TIMD4: variants seen among roughly 807,000 people sequenced by gnomAD.
The protein encoded by TIMD4 is T cell immunoglobulin and mucin domain containing 4.
Under a neutral mutation model 41.2 loss-of-function variants are expected in TIMD4, and 31 were observed. The ratio of observed to expected loss-of-function variants is 0.75; its 90% CI spans 0.57 to 1.01. The LOEUF (loss-of-function observed/expected upper bound fraction) is 1.01. Ranked by LOEUF, TIMD4 falls within the 50% of genes least tolerant of loss-of-function variation. The pLI, the probability that TIMD4 is intolerant of heterozygous loss-of-function variation, is 0.00. For synonymous variants in TIMD4, 204 were observed against 177.1 expected, an observed-to-expected ratio of 1.15 and a Z score of -1.21; for missense variants, 479 against 472.5, an observed-to-expected ratio of 1.01 and a Z score of -0.13.
At chr5:156,958,798 A>G (rs897702150) in intron 1 of TIMD4, among the ~76,000 whole-genome samples, 1 of 152,196 alleles carries the variant, frequency 6.6e-6, no homozygotes, top group African/African-American at 2.4e-5. Flanking sequence ...GACAATGTAT[A>G]TATGGGGAAT....
chr5:156,931,096 G>C (rs1445270479), intron 5 of TIMD4, among the ~76,000 whole-genome samples: 1 of 152,194 alleles, frequency 6.6e-6, no homozygotes, highest in East Asian at 1.9e-4. Flanking sequence ...AAGATGCTAT[G>C]CTGCTGACTT....
intron 6 of TIMD4, 113 bp from the exon 7 acceptor site, chr5:156,922,329 A>C: frequency 2.3e-6 from 2 of 883,968 alleles, no homozygotes; most frequent in Non-Finnish European, 3.6e-6. Flanking sequence ...ACTACATTTC[A>C]CCACCTTTTG....
intron 2 of TIMD4, among the ~76,000 whole-genome samples, chr5:156,952,182 C>T (rs544113188): frequency 6.6e-6 from 1 of 151,538 alleles, no homozygotes; most frequent in Admixed American, 6.6e-5. Context: ...CCTAGCTACT[C>T]AGGAGGCTGA....
At chr5:156,934,321 T>TG (rs1759500413) in intron 5 of TIMD4, among the ~76,000 whole-genome samples, 1 of 152,240 alleles carries the variant, frequency 6.6e-6, no homozygotes, top group Non-Finnish European at 1.5e-5. Flanking sequence ...CAGGGCTCAC[T>TG]GCAGCCTCAA....
intron 1 of TIMD4, among the ~76,000 whole-genome samples, chr5:156,962,056 G>C (rs923397566): frequency 1.3e-5 from 2 of 152,002 alleles, no homozygotes; most frequent in Non-Finnish European, 2.9e-5. Context: ...TAGAATGATA[G>C]TCACTGGAGT....
intron 1 of TIMD4, among the ~76,000 whole-genome samples, chr5:156,961,808 C>CAAAAA (rs71578911): frequency 0.01 from 292 of 27,932 alleles, 30 homozygotes; most frequent in Non-Finnish European, 0.014. Context: ...GACTCCGTCT[C>CAAAAA]AAAAAAAAAA....
At chr5:156,948,980 C>T (rs1202850370) in intron 4 of TIMD4, among the ~76,000 whole-genome samples, 3 of 152,196 alleles carry the variant, frequency 2.0e-5, no homozygotes, top group African/African-American at 7.2e-5. Context: ...CTTCTAAGTC[C>T]TCACATGCAT....
intron 5 of TIMD4, among the ~76,000 whole-genome samples, chr5:156,935,842 TCAGTAAAGCA>T (rs755159332): frequency 1.8e-4 from 27 of 152,300 alleles, no homozygotes; most frequent in Middle Eastern, 3.4e-3. Context: ...GCTGAGGGTC[TCAGTAAAGCA>T]CAGATAAGAC....
At chr5:156,960,926 A>G (rs918141449) in intron 1 of TIMD4, among the ~76,000 whole-genome samples, 1 of 152,258 alleles carries the variant, frequency 6.6e-6, no homozygotes, top group African/African-American at 2.4e-5. Flanking sequence ...ACTATTCCAG[A>G]GGCTACAAGG....
chr5:156,939,418 C>A (rs1293516348), intron 5 of TIMD4, among the ~76,000 whole-genome samples: 1 of 152,120 alleles, frequency 6.6e-6, no homozygotes, highest in Non-Finnish European at 1.5e-5. Flanking sequence ...CTTGCACTAC[C>A]CCTTTTGAGA....
chr5:156,922,899 CAA>C (rs1236543276), intron 6 of TIMD4, among the ~76,000 whole-genome samples: 1 of 152,052 alleles, frequency 6.6e-6, no homozygotes. Flanking sequence ...AATATTTTTT[CAA>C]AATAGAGTTA....
intron 5 of TIMD4, among the ~76,000 whole-genome samples, chr5:156,932,100 T>C (rs951558946): frequency 6.6e-6 from 1 of 152,228 alleles, no homozygotes; most frequent in African/African-American, 2.4e-5. Flanking sequence ...TGCATACTTA[T>C]TCCCCAAAGA....
intron 5 of TIMD4, among the ~76,000 whole-genome samples, chr5:156,942,076 ATGT>A (rs576912792): frequency 2.0e-5 from 3 of 152,208 alleles, no homozygotes; most frequent in South Asian, 2.1e-4. Flanking sequence ...GGAAAGAAAA[ATGT>A]TGTTATTGTC....
At chr5:156,953,948 G>A (rs1031017446) in intron 2 of TIMD4, among the ~76,000 whole-genome samples, 6 of 152,214 alleles carry the variant, frequency 3.9e-5, no homozygotes, top group African/African-American at 1.2e-4. Flanking sequence ...CCTGAAAACT[G>A]CTATGACTGT....
chr5:156,937,513 G>A (rs1259023230), intron 5 of TIMD4, among the ~76,000 whole-genome samples: 1 of 152,170 alleles, frequency 6.6e-6, no homozygotes, highest in Non-Finnish European at 1.5e-5. Flanking sequence ...TTGGCCTACA[G>A]AGGGGCCACC....
chr5:156,949,417 TC>T (rs1561552112), intron 4 of TIMD4, among the ~76,000 whole-genome samples: 590 of 107,184 alleles, frequency 5.5e-3, no homozygotes, highest in African/African-American at 0.019. Flanking sequence ...TTTCCCTACC[TC>T]CCTCCTCCTC....
At chr5:156,936,767 A>G (rs537126926) in intron 5 of TIMD4, among the ~76,000 whole-genome samples, 35 of 151,912 alleles carry the variant, frequency 2.3e-4, no homozygotes, top group African/African-American at 8.5e-4. Flanking sequence ...AGTACAAAAA[A>G]AAAAAGAAAA....
chr5:156,956,344 G>T (rs1759969816), intron 1 of TIMD4, among the ~76,000 whole-genome samples: 1 of 152,126 alleles, frequency 6.6e-6, no homozygotes, highest in Non-Finnish European at 1.5e-5. Flanking sequence ...AAAAAAAAAT[G>T]CTGGAGGGTA....
At chr5:156,925,004 A>AAGAG (rs139087161) in intron 6 of TIMD4, among the ~76,000 whole-genome samples, 1 of 151,620 alleles carries the variant, frequency 6.6e-6, no homozygotes, top group African/African-American at 2.4e-5. Flanking sequence ...AAAAAAGAAA[A>AAGAG]AGAGAGAGAG....
Sources: gnomAD v4.1 joint callset for allele counts (sites outside exome capture counted in the v4.1 genomes callset) on GRCh38, gnomAD v4.1.1 for gene constraint, MANE v1.5 for transcripts, NCBI Gene and HGNC (gene_info 2026-07-23, HGNC 2026-07-21) for gene names.